Variants in JMJD1C observed in about 807,000 individuals in gnomAD.
JMJD1C encodes the protein jumonji domain-containing protein 1C.
JMJD1C carries 31 observed loss-of-function variants against 245.3 expected under a neutral mutation model. The ratio of observed to expected loss-of-function variants is 0.13; its 90% CI spans 0.09 to 0.17. JMJD1C has a LOEUF of 0.17. Ranked by LOEUF, JMJD1C falls within the 10% of genes least tolerant of loss-of-function variation. JMJD1C has a pLI of 1.00. For missense variants in JMJD1C, 2,691 were observed against 3,000.2 expected (o/e 0.90, Z 2.41); for synonymous variants, 1,057 against 1,017.4 (o/e 1.04, Z -0.74).
intron 1 of JMJD1C, among the ~76,000 whole-genome samples, chr10:63,510,571 C>A (rs887792621): frequency 2.6e-5 from 4 of 152,142 alleles, no homozygotes; most frequent in Middle Eastern, 3.2e-3. Flanking sequence ...ACAGATATGG[C>A]ATGATCTCTA....
At chr10:63,311,515 G>A (rs941758528) in intron 2 of JMJD1C, among the ~76,000 whole-genome samples, 6 of 151,976 alleles carry the variant, frequency 3.9e-5, no homozygotes, top group Non-Finnish European at 8.8e-5. Flanking sequence ...GAAAAACCAA[G>A]AAACCTAAAA....
At chr10:63,482,004 T>C (rs1953845503) in intron 1 of JMJD1C, among the ~76,000 whole-genome samples, 2 of 152,192 alleles carry the variant, frequency 1.3e-5, no homozygotes. Flanking sequence ...ACAAGTACAT[T>C]TCAAAATTAT....
At chr10:63,194,849 T>G (rs948079715) in intron 13 of JMJD1C, among the ~76,000 whole-genome samples, 4 of 152,218 alleles carry the variant, frequency 2.6e-5, no homozygotes, top group Non-Finnish European at 2.9e-5. Context: ...ACCATACAGT[T>G]ACTATTAACT....
chr10:63,237,709 T>C (rs780780555), intron 3 of JMJD1C, among the ~76,000 whole-genome samples: 7 of 152,168 alleles, frequency 4.6e-5, no homozygotes, highest in East Asian at 1.9e-4. Flanking sequence ...TCTGTAACAT[T>C]TGCATTACGC....
rs1158389712 is a variant in JMJD1C at position 63,439,834 on chromosome 10, A to AT, written c.168+25660dup. On this transcript the variant is annotated intron_variant, in intron 1 of 25. Transcript: ENST00000399262. ...CTGCAGTCCTTCTAGTCTACAGTTT[A>AT]TTTTTTTAAGTAATTTGACATAACA... 3.3e-5 allele frequency among the ~76,000 whole-genome samples: 5 copies of AT among 152,284 alleles called. No individual in the cohort carries two copies. In the South Asian group the frequency reaches 6.2e-4, roughly 19 times the overall value.
chr10:63,476,365 A>G (rs1953661814), intron 1 of JMJD1C, among the ~76,000 whole-genome samples: 1 of 152,012 alleles, frequency 6.6e-6, no homozygotes, highest in African/African-American at 2.4e-5. Context: ...CTAACACCTT[A>G]GCAGAACAAG....
intron 2 of JMJD1C, among the ~76,000 whole-genome samples, chr10:63,364,656 T>G (rs566434730): frequency 1.3e-5 from 2 of 152,226 alleles, no homozygotes; most frequent in African/African-American, 4.8e-5. Flanking sequence ...TGGCTAATTT[T>G]TTGTATTTTT....
intron 1 of JMJD1C, among the ~76,000 whole-genome samples, chr10:63,405,592 G>A (rs1949121631): frequency 6.6e-6 from 1 of 152,026 alleles, no homozygotes; most frequent in Admixed American, 6.6e-5. Context: ...CAAAGTGCGG[G>A]GATTACAGGC....
chr10:63,169,922 G>A (rs1387436839), intron 24 of JMJD1C, among the ~76,000 whole-genome samples: 5 of 152,060 alleles, frequency 3.3e-5, no homozygotes, highest in Admixed American at 6.6e-5. Context: ...CAACTCCTGC[G>A]GTGTCTTGTC....
chr10:63,433,916 A>G (rs1471525078), intron 1 of JMJD1C, among the ~76,000 whole-genome samples: 2 of 150,714 alleles, frequency 1.3e-5, no homozygotes, highest in Non-Finnish European at 3.0e-5. Flanking sequence ...AAAAAAAAAA[A>G]GGGAAAATTA....
intron 10 of JMJD1C, 78 bp downstream of exon 10, chr10:63,206,517 G>C (rs1846642547): frequency 1.7e-6 from 2 of 1,157,698 alleles, no homozygotes; most frequent in South Asian, 3.2e-5. Context: ...TAAGCTCACT[G>C]ATCTTTAAAG....
At chr10:63,243,264 C>T (rs1460758102) in intron 3 of JMJD1C, among the ~76,000 whole-genome samples, 3 of 151,710 alleles carry the variant, frequency 2.0e-5, no homozygotes, top group African/African-American at 7.3e-5. Context: ...TGGTGGCTCA[C>T]GCCTGTAATC....
intron 1 of JMJD1C, among the ~76,000 whole-genome samples, chr10:63,409,677 C>T (rs1262972201): frequency 6.6e-6 from 1 of 152,066 alleles, no homozygotes; most frequent in East Asian, 1.9e-4. Flanking sequence ...CAGAACAGAC[C>T]TTAGTTTTAG....
intron 2 of JMJD1C, among the ~76,000 whole-genome samples, chr10:63,328,390 C>A (rs992752929): frequency 3.3e-5 from 5 of 151,958 alleles, no homozygotes; most frequent in African/African-American, 1.2e-4. Context: ...ATGTTGATAA[C>A]CTTTGATTTT....
intron 1 of JMJD1C, among the ~76,000 whole-genome samples, chr10:63,435,059 A>G (rs182527169): frequency 1.3e-5 from 2 of 152,360 alleles, no homozygotes; most frequent in Admixed American, 1.3e-4. Context: ...TGTTGTCTCT[A>G]CTGAACAATG....
intron 1 of JMJD1C, among the ~76,000 whole-genome samples, chr10:63,456,424 G>A (rs1453768925): frequency 1.3e-5 from 2 of 152,054 alleles, no homozygotes; most frequent in African/African-American, 4.8e-5. Flanking sequence ...ACAATATAGA[G>A]AGGAAATAAA....
At chr10:63,460,502 G>C (rs1269599473) in intron 1 of JMJD1C, among the ~76,000 whole-genome samples, 1 of 152,190 alleles carries the variant, frequency 6.6e-6, no homozygotes, top group Non-Finnish European at 1.5e-5. Flanking sequence ...CTGGGTAACA[G>C]AGCAAGACCC....
At chr10:63,236,733 T>C (rs1850775513) in intron 3 of JMJD1C, among the ~76,000 whole-genome samples, 1 of 152,154 alleles carries the variant, frequency 6.6e-6, no homozygotes, top group African/African-American at 2.4e-5. Context: ...AAAAAATTCC[T>C]GGGAAGCTGG....
At chr10:63,371,076 C>T (rs1337195888) in intron 2 of JMJD1C, among the ~76,000 whole-genome samples, 1 of 152,006 alleles carries the variant, frequency 6.6e-6, no homozygotes, top group Non-Finnish European at 1.5e-5. Flanking sequence ...CTCCTGGAGT[C>T]AAGCAATCCT....
Sources: gnomAD v4.1 joint callset for allele counts (sites outside exome capture counted in the v4.1 genomes callset) on GRCh38, gnomAD v4.1.1 for gene constraint, MANE v1.5 for transcripts, NCBI Gene and HGNC (gene_info 2026-07-23, HGNC 2026-07-21) for gene names.